The following ARL15 variants were observed in gnomAD, a reference collection of about 807,000 sequenced individuals.
ARL15 encodes the protein ARF like GTPase 15.
Under a neutral mutation model 25.2 loss-of-function variants are expected in ARL15, and 19 were observed. The ratio of observed to expected loss-of-function variants is 0.75; its 90% CI spans 0.53 to 1.10. The LOEUF is 1.10. ARL15 is among the 50% of genes least tolerant of loss of function. ARL15 has a pLI of 0.00. For synonymous variants in ARL15, 94 were observed against 86.8 expected (o/e 1.08, Z -0.46); for missense variants, 220 against 246.0 (o/e 0.89, Z 0.71).
intron 4 of ARL15, among the ~76,000 whole-genome samples, chr5:54,083,549 C>T (rs975532546): frequency 6.6e-6 from 1 of 152,088 alleles, no homozygotes; most frequent in African/African-American, 2.4e-5. Context: ...AAAGTTTTTT[C>T]ATGAGAAAAT....
At chr5:54,091,856 G>A (rs1006510791) in intron 4 of ARL15, among the ~76,000 whole-genome samples, 17 of 152,090 alleles carry the variant, frequency 1.1e-4, no homozygotes, top group East Asian at 3.9e-4. Flanking sequence ...TACAACAGGC[G>A]TCTGATGGGG....
At chr5:54,180,151 T>C (rs1039876318) in intron 1 of ARL15, among the ~76,000 whole-genome samples, 3 of 151,864 alleles carry the variant, frequency 2.0e-5, no homozygotes, top group Non-Finnish European at 2.9e-5. Flanking sequence ...CCTTAAAATA[T>C]ATGTGTATGT....
intron 4 of ARL15, among the ~76,000 whole-genome samples, chr5:54,004,597 C>G (rs889252712): frequency 6.6e-6 from 1 of 152,082 alleles, no homozygotes; most frequent in South Asian, 2.1e-4. Context: ...TGGCAGATCT[C>G]AAGTCCACAC....
intron 2 of ARL15, among the ~76,000 whole-genome samples, chr5:54,155,695 C>CAG (rs1754208440): frequency 6.6e-6 from 1 of 151,780 alleles, no homozygotes; most frequent in Admixed American, 6.6e-5. Context: ...CACACACACA[C>CAG]ACACACACGC....
chr5:53,923,725 C>T (rs766279011), intron 4 of ARL15, among the ~76,000 whole-genome samples: 40 of 151,920 alleles, frequency 2.6e-4, no homozygotes, highest in African/African-American at 8.5e-4. Flanking sequence ...ATTAGCCAGG[C>T]GTGGTGGCGG....
chr5:54,052,242 C>A lies in ARL15; in HGVS notation c.462+60960G>T, dbSNP rs1471918762. On this transcript the variant is annotated intron_variant, in intron 4 of 4. Transcript: ENST00000504924. Reference sequence around the variant, plus strand: ...TAAGTATTTGCCAAAACCCAAAGAACTTTATAGCACAACGAATAAATCTCA... The same window carrying A: ...TAAGTATTTGCCAAAACCCAAAGAAATTTATAGCACAACGAATAAATCTCA... 3.3e-5 allele frequency among the ~76,000 whole-genome samples: 5 copies of A among 151,910 alleles called. No homozygotes were observed. The East Asian group carries it at 9.6e-4, about 29-fold the overall frequency.
At chr5:53,953,139 G>A (rs1397885816) in intron 4 of ARL15, among the ~76,000 whole-genome samples, 3 of 152,126 alleles carry the variant, frequency 2.0e-5, no homozygotes, top group African/African-American at 7.2e-5. Flanking sequence ...ATTACTAAAA[G>A]CTGCAGCTGG....
At chr5:54,187,590 T>C (rs2112448298) in intron 1 of ARL15, among the ~76,000 whole-genome samples, 1 of 152,334 alleles carries the variant, frequency 6.6e-6, no homozygotes, top group Non-Finnish European at 1.5e-5. Context: ...TGAGGGCTGG[T>C]AGAAACCCTG....
At chr5:54,071,979 GAA>G (rs71989027) in intron 4 of ARL15, among the ~76,000 whole-genome samples, 1,800 of 126,146 alleles carry the variant, frequency 0.014, 8 homozygotes, top group Admixed American at 0.02. Context: ...CTCAAAAAAA[GAA>G]AAAAAAAAAA....
chr5:54,290,718 G>T (rs1401206948), intron 1 of ARL15, among the ~76,000 whole-genome samples: 1 of 152,040 alleles, frequency 6.6e-6, no homozygotes, highest in Non-Finnish European at 1.5e-5. Context: ...AAATTAATTA[G>T]AATCATAAGG....
intron 1 of ARL15, among the ~76,000 whole-genome samples, chr5:54,281,431 A>G (rs555642976): frequency 5.6e-4 from 86 of 152,274 alleles, no homozygotes; most frequent in Non-Finnish European, 9.4e-4. Flanking sequence ...CTGGCCTACT[A>G]TAACTTTTAA....
intron 1 of ARL15, among the ~76,000 whole-genome samples, chr5:54,299,765 A>C (rs531903126): frequency 6.6e-6 from 1 of 151,630 alleles, no homozygotes; most frequent in East Asian, 2.0e-4. Flanking sequence ...AATTTTTTGT[A>C]TTTTAGTAGA....
chr5:53,914,042 T>C (rs943003832), intron 4 of ARL15, among the ~76,000 whole-genome samples: 28 of 152,188 alleles, frequency 1.8e-4, no homozygotes, highest in Non-Finnish European at 3.7e-4. Context: ...TATCTCCTTT[T>C]CCCTTCTGTG....
intron 4 of ARL15, among the ~76,000 whole-genome samples, chr5:53,926,260 C>T (rs1318120654): frequency 6.6e-6 from 1 of 152,040 alleles, no homozygotes; most frequent in Non-Finnish European, 1.5e-5. Flanking sequence ...GAGATGCGGG[C>T]AGGAGGTGTC....
chr5:54,300,744 C>T (rs976909499), intron 1 of ARL15, among the ~76,000 whole-genome samples: 1 of 152,178 alleles, frequency 6.6e-6, no homozygotes, highest in Non-Finnish European at 1.5e-5. Flanking sequence ...TGGTTGTGAA[C>T]ACCATCATCT....
At chr5:54,107,591 G>C (rs1752627928) in intron 4 of ARL15, among the ~76,000 whole-genome samples, 1 of 152,126 alleles carries the variant, frequency 6.6e-6, no homozygotes, top group African/African-American at 2.4e-5. Context: ...AAGCACTTCA[G>C]AGGCAGAAGT....
At chr5:53,937,352 T>C (rs983609735) in intron 4 of ARL15, among the ~76,000 whole-genome samples, 5 of 152,108 alleles carry the variant, frequency 3.3e-5, no homozygotes, top group Admixed American at 2.6e-4. Flanking sequence ...CTCATTTGGT[T>C]TTCATCACAT....
At chr5:54,225,050 T>C (rs999451733) in intron 1 of ARL15, among the ~76,000 whole-genome samples, 9 of 152,144 alleles carry the variant, frequency 5.9e-5, no homozygotes, top group African/African-American at 2.2e-4. Flanking sequence ...TTCAACTATT[T>C]TTCTCTAAAA....
intron 4 of ARL15, among the ~76,000 whole-genome samples, chr5:53,917,006 A>G (rs997083939): frequency 1.3e-5 from 2 of 152,244 alleles, no homozygotes; most frequent in East Asian, 1.9e-4. Context: ...TCTGGACTCA[A>G]TATTCTAGGG....
Sources: gnomAD v4.1 joint callset for allele counts (sites outside exome capture counted in the v4.1 genomes callset) on GRCh38, gnomAD v4.1.1 for gene constraint, MANE v1.5 for transcripts, NCBI Gene and HGNC (gene_info 2026-07-23, HGNC 2026-07-21) for gene names.